SRSF9: variants seen among roughly 807,000 people sequenced by gnomAD.
SRSF9 encodes the protein serine and arginine rich splicing factor 9.
A neutral mutation model predicts 25.9 loss-of-function variants in SRSF9; 3 were observed. The ratio of observed to expected loss-of-function variants is 0.12; its 90% CI spans 0.05 to 0.30. The LOEUF (loss-of-function observed/expected upper bound fraction) is 0.30, where lower values mean the gene tolerates loss of function less well. SRSF9 is among the 10% of genes least tolerant of loss of function. The pLI, the probability that SRSF9 is intolerant of heterozygous loss-of-function variation, is 1.00. For missense variants in SRSF9, 161 were observed against 303.5 expected (o/e 0.53, Z 3.49); for synonymous variants, 114 against 113.2 (o/e 1.01, Z -0.05).
chr12:120,465,949 T>C (rs1283855188), intron 1 of SRSF9, among the ~76,000 whole-genome samples, 162 bp from the exon 2 acceptor site: 1 of 152,124 alleles, frequency 6.6e-6, no homozygotes, highest in Non-Finnish European at 1.5e-5. Context: ...CTGCTTTGGT[T>C]TGGAGACGTT....
At chr12:120,465,137 T>G (rs1001241023) in intron 2 of SRSF9, 7 of 152,300 alleles carry the variant, frequency 4.6e-5, no homozygotes, top group African/African-American at 1.7e-4. Context: ...ATTTCATCAC[T>G]TATAAACACT....
At position 120,469,411 on chromosome 12, in the gene SRSF9, G is replaced by A; in HGVS notation, c.188+11C>T. 6.4e-7 allele frequency: 1 copy of A among 1,573,182 alleles called. No homozygotes were observed. Among genetic ancestry groups the A allele is most frequent in the Non-Finnish European group, 8.6e-7 (1 of 1,160,990 alleles). ...ACCGAGGAGGAGAGGGCAGGGGCGC[G>A]GGGGCCTCACCGGGGGTCCTCGAAG... On this transcript the variant is annotated intron_variant, in intron 1 of 3. Coordinates refer to ENST00000229390, the MANE Select transcript of SRSF9 (RefSeq NM_003769.3).
chr12:120,467,042 A>C (rs1279399202), intron 1 of SRSF9, among the ~76,000 whole-genome samples: 1 of 152,212 alleles, frequency 6.6e-6, no homozygotes, highest in African/African-American at 2.4e-5. Context: ...GGTGGACAAG[A>C]GGAGCTGAAT....
intron 1 of SRSF9, among the ~76,000 whole-genome samples, chr12:120,467,198 A>AACAG (rs1878500237): frequency 6.6e-6 from 1 of 152,006 alleles, no homozygotes; most frequent in African/African-American, 2.4e-5. Context: ...AGGTCAGAAC[A>AACAG]ACTCTGAATA....
intron 2 of SRSF9, chr12:120,464,796 G>A (rs1023936682): frequency 2.0e-5 from 3 of 152,128 alleles, no homozygotes; most frequent in African/African-American, 7.2e-5. Context: ...TCACAGCTCA[G>A]GACTGCAGCC....
Position 120,469,667 on chromosome 12 carries a change from A to C in SRSF9, c.-58T>G, listed in dbSNP as rs1397497686. 1 of 1,122,644 alleles carries C rather than the reference A, an allele frequency of 8.9e-7. No individual in the cohort carries two copies. The highest frequency in any genetic ancestry group is 3.7e-5 in the East Asian group (1 of 26,998). 69.5% of individuals were successfully genotyped at this position (1,122,644 alleles called of 1,614,324 possible). A position where few individuals can be genotyped will look rare whatever the true frequency, so the allele number is the denominator to read the frequency against. On this transcript the variant is annotated 5_prime_UTR_variant, in exon 1 of 4. Transcript: ENST00000229390. ...CCCACGTCGCCGCCGCCGCCTCAGC[A>C]CGGGTCCCCCCGCAGCGTCCCCGCG...
chr12:120,466,824 T>C (rs952456829), intron 1 of SRSF9, among the ~76,000 whole-genome samples: 2 of 152,226 alleles, frequency 1.3e-5, no homozygotes, highest in African/African-American at 4.8e-5. Context: ...CATAAGCCAC[T>C]GCGCCTGGCC....
At chr12:120,468,329 C>T (rs1878535757) in intron 1 of SRSF9, among the ~76,000 whole-genome samples, 1 of 152,068 alleles carries the variant, frequency 6.6e-6, no homozygotes, top group Non-Finnish European at 1.5e-5. Flanking sequence ...GCACTTGACC[C>T]ATAGCAACTG....
intron 3 of SRSF9, chr12:120,462,445 C>A: frequency 3.6e-6 from 1 of 280,658 alleles, no homozygotes; most frequent in Non-Finnish European, 6.7e-6. Context: ...CTATGATAAA[C>A]AATATATCTG....
Position 120,464,113 on chromosome 12 carries a change from G to A in SRSF9, c.359C>T (p.Pro120Leu), listed in dbSNP as rs1404129514. 1.5e-5 allele frequency: 24 copies of A among 1,612,478 alleles called. No individual in the cohort carries two copies. The highest frequency in any genetic ancestry group is 2.2e-5 in the South Asian group (2 of 90,870). ...DFRVLVSGLP[P>L]SGSWQDLKDH... Reference sequence around the variant, plus strand: ...CTTCAGGTCCTGCCAGCTGCCTGACGGAGGAAGTCCTAGGCATGGAGAACA... The same window carrying A: ...CTTCAGGTCCTGCCAGCTGCCTGACAGAGGAAGTCCTAGGCATGGAGAACA... The change falls in exon 3 of 4, where the codon CCG becomes CTG. Residue 120 changes from proline (P) to leucine (L), a missense_variant. Physicochemically the swap from Pro to Leu is moderately conservative, Grantham distance 98 (BLOSUM62 -3). Around this residue, in one of 3 missense-constraint regions of SRSF9, gnomAD observed 41 missense variants for 126.7 expected, o/e 0.32. Transcript: ENST00000229390.
intron 1 of SRSF9, 87 bp downstream of exon 1, chr12:120,469,335 G>A (rs1878577378): frequency 2.1e-6 from 2 of 938,718 alleles, no homozygotes; most frequent in Non-Finnish European, 3.0e-6. Flanking sequence ...GGAGGCCGGG[G>A]GGAGGGGAGC....
In SRSF9 at chr12:120,469,587, C is replaced by G. The variant is rs761268364; in HGVS notation, c.23G>C (p.Arg8Pro). 2 of 1,534,300 alleles carry G rather than the reference C, an allele frequency of 1.3e-6. No individual in the cohort carries two copies. Among genetic ancestry groups the G allele is most frequent in the South Asian group, 1.2e-5 (1 of 83,080 alleles). The change falls in exon 1 of 4, where the codon CGC becomes CCC. Residue 8 changes from arginine to proline, a missense_variant. Physicochemically the swap from Arg to Pro is moderately radical, Grantham distance 103 (BLOSUM62 -2). This residue lies in a region of SRSF9 where 99 missense variants were observed against 156.7 expected (regional missense o/e 0.63). Transcript: ENST00000229390. ...GATGCGCCCGTCGCCCTCGCCGCCG[C>G]GCTCGTCCGCCCAGCCCGACATCCG... MSGWADE[R>P]GGEGDGRIYV...
chr12:120,465,772 A>T lies in SRSF9; in HGVS notation c.204T>A (p.Ala68=). ...AATCATAACCATTTCTTCCATAAAT[A>T]GCATCCTCTGCATCTCTAAAAAAAA... ...RFEDPRDAED[A]IYGRNGYDYG... Residue 68 remains alanine, a synonymous_variant, in exon 2 of 4, where the codon GCT becomes GCA. Coordinates refer to ENST00000229390, the MANE Select transcript of SRSF9 (RefSeq NM_003769.3). The T allele has an allele frequency of 6.3e-7, 1 of 1,589,834 alleles. No individual in the cohort carries two copies.
At chr12:120,462,507 G>A (rs934961218) in intron 3 of SRSF9, 8 of 185,630 alleles carry the variant, frequency 4.3e-5, no homozygotes, top group Middle Eastern at 2.3e-3. Flanking sequence ...GGATCTCAGG[G>A]GTCATATAGT....
chr12:120,462,224 C>G (rs1737525107), intron 3 of SRSF9, 62 bp from the exon 4 acceptor site: 2 of 1,519,904 alleles, frequency 1.3e-6, no homozygotes, highest in Non-Finnish European at 1.8e-6. Context: ...GAAGAATAAG[C>G]AAACCAACAT....
At chr12:120,468,981 C>T (rs1878561378) in intron 1 of SRSF9, among the ~76,000 whole-genome samples, 1 of 152,032 alleles carries the variant, frequency 6.6e-6, no homozygotes, top group African/African-American at 2.4e-5. Context: ...CAGCGGCATC[C>T]GCGACCCTGC....
chr12:120,462,409 A>C, intron 3 of SRSF9: 1 of 371,106 alleles, frequency 2.7e-6, no homozygotes, highest in East Asian at 4.7e-5. Flanking sequence ...AATAAATGCC[A>C]ATTTGACATG....
chr12:120,467,518 A>T (rs1169387389), intron 1 of SRSF9, among the ~76,000 whole-genome samples: 1 of 152,110 alleles, frequency 6.6e-6, no homozygotes, highest in African/African-American at 2.4e-5. Flanking sequence ...ACAATAAATA[A>T]ATAAAATTAG....
chr12:120,465,594 T>C (rs762092057), intron 2 of SRSF9, 33 bp downstream of exon 2: 12 of 1,553,764 alleles, frequency 7.7e-6, no homozygotes, highest in Non-Finnish European at 9.5e-6. Flanking sequence ...GTATTTTACA[T>C]GTATCATCTC....
Sources: gnomAD v4.1 joint callset for allele counts (sites outside exome capture counted in the v4.1 genomes callset) on GRCh38, gnomAD v4.1.1 for gene constraint, gnomAD v4.1.1 regional missense constraint, MANE v1.5 for transcripts, NCBI Gene and HGNC (gene_info 2026-07-23, HGNC 2026-07-21) for gene names.